Variants in HPSE2 observed in about 807,000 individuals in gnomAD.
The protein encoded by HPSE2 is inactive heparanase-2.
HPSE2 carries 38 observed loss-of-function variants against 60.5 expected under a neutral mutation model. The observed-to-expected ratio is 0.63, with a 90% confidence interval of 0.48 to 0.82. HPSE2 has a LOEUF of 0.82. Among genes scored for constraint, HPSE2 ranks in the 40% least tolerant of loss-of-function variants. HPSE2 has a pLI of 0.00. For missense variants in HPSE2, 713 were observed against 740.4 expected, an observed-to-expected ratio of 0.96 and a Z score of 0.43; for synonymous variants, 295 against 293.2, an observed-to-expected ratio of 1.01 and a Z score of -0.06.
At chr10:99,101,397 A>G (rs999793965) in intron 3 of HPSE2, among the ~76,000 whole-genome samples, 5 of 152,236 alleles carry the variant, frequency 3.3e-5, no homozygotes, top group African/African-American at 9.6e-5. Flanking sequence ...AAAGAAGGAC[A>G]TTACATAATG....
intron 3 of HPSE2, among the ~76,000 whole-genome samples, chr10:98,811,879 C>A (rs1951175695): frequency 6.6e-6 from 1 of 152,226 alleles, no homozygotes; most frequent in South Asian, 2.1e-4. Context: ...AGATCTTACA[C>A]AAATTTTGTT....
Position 98,482,633 on chromosome 10 carries a change from T to C in HPSE2, c.1613+3A>G, listed in dbSNP as rs776258909. 16 of 1,614,038 alleles carry C rather than the reference T, an allele frequency of 9.9e-6. No individual in the cohort carries two copies. The Admixed American group carries it at 1.3e-4, about 13-fold the overall frequency. ...CCCGAGCTATTTTCAGGTTGGCACGTACTTGGACTTTAGGCCCTCCTGCCC... is the reference window on the plus strand; with the variant it reads ...CCCGAGCTATTTTCAGGTTGGCACGCACTTGGACTTTAGGCCCTCCTGCCC... On this transcript the variant is annotated splice_donor_region_variant and intron_variant, in intron 11 of 11. Transcript: ENST00000370552.
At chr10:99,231,484 A>G (rs1481989190) in intron 2 of HPSE2, among the ~76,000 whole-genome samples, 1 of 152,174 alleles carries the variant, frequency 6.6e-6, no homozygotes, top group African/African-American at 2.4e-5. Context: ...CCTCCACTTA[A>G]ACAGGAAGTT....
At chr10:99,176,613 T>C (rs1847535727) in intron 2 of HPSE2, among the ~76,000 whole-genome samples, 2 of 151,762 alleles carry the variant, frequency 1.3e-5, no homozygotes, top group Non-Finnish European at 1.5e-5. Context: ...CCAAGAAATA[T>C]GGGACTATGT....
chr10:98,843,008 T>G (rs185637152), intron 3 of HPSE2, among the ~76,000 whole-genome samples: 1 of 152,300 alleles, frequency 6.6e-6, no homozygotes, highest in East Asian at 1.9e-4. Flanking sequence ...TCCTCCATTC[T>G]TTTCGTGGCT....
intron 3 of HPSE2, among the ~76,000 whole-genome samples, chr10:98,832,962 G>A (rs970883999): frequency 7.9e-5 from 12 of 152,114 alleles, no homozygotes; most frequent in African/African-American, 2.4e-4. Flanking sequence ...ATGGCTAAGC[G>A]AGCAGATGTC....
intron 3 of HPSE2, among the ~76,000 whole-genome samples, chr10:98,967,341 T>A (rs1297436736): frequency 6.6e-6 from 1 of 152,200 alleles, no homozygotes; most frequent in Non-Finnish European, 1.5e-5. Context: ...CATATTTTCT[T>A]CTTCACACTT....
At chr10:99,053,717 G>GTTT (rs1488152948) in intron 3 of HPSE2, among the ~76,000 whole-genome samples, 14 of 98,440 alleles carry the variant, frequency 1.4e-4, no homozygotes, top group Admixed American at 3.9e-4. Context: ...GAGAGTTACA[G>GTTT]TCTTTTTTTT....
chr10:99,109,840 T>C (rs1844390585), intron 3 of HPSE2, among the ~76,000 whole-genome samples: 1 of 152,172 alleles, frequency 6.6e-6, no homozygotes, highest in Admixed American at 6.5e-5. Context: ...ATAAAAGTAG[T>C]AAACAAAAAT....
chr10:98,721,558 AAAAT>A (rs147098746), intron 5 of HPSE2, 95 bp downstream of exon 5: 1,249 of 1,171,604 alleles, frequency 1.1e-3, no homozygotes, highest in Non-Finnish European at 1.2e-3. Flanking sequence ...TCTTAAGACC[AAAAT>A]AAATAAATAA....
intron 2 of HPSE2, among the ~76,000 whole-genome samples, chr10:99,162,640 T>A (rs1177866019): frequency 6.6e-6 from 1 of 152,186 alleles, no homozygotes; most frequent in Non-Finnish European, 1.5e-5. Flanking sequence ...GCCAAAGTAC[T>A]CATTATCTAC....
At chr10:99,197,609 C>T (rs761123353) in intron 2 of HPSE2, among the ~76,000 whole-genome samples, 12 of 152,110 alleles carry the variant, frequency 7.9e-5, no homozygotes, top group African/African-American at 1.9e-4. Context: ...CACATACATG[C>T]GAAGCACTTA....
chr10:98,588,493 A>T (rs1944998746), intron 9 of HPSE2, among the ~76,000 whole-genome samples: 1 of 152,184 alleles, frequency 6.6e-6, no homozygotes, highest in Non-Finnish European at 1.5e-5. Context: ...CAGTGCTTCT[A>T]GTCTGCCACG....
At chr10:98,803,313 C>A (rs1043133301) in intron 3 of HPSE2, among the ~76,000 whole-genome samples, 1 of 150,020 alleles carries the variant, frequency 6.7e-6, no homozygotes, top group Non-Finnish European at 1.5e-5. Context: ...TGTGCAGAAG[C>A]CCTTTAGTTT....
intron 9 of HPSE2, among the ~76,000 whole-genome samples, chr10:98,600,894 T>C (rs1945390886): frequency 2.3e-5 from 1 of 42,662 alleles, no homozygotes; most frequent in Admixed American, 4.0e-4. Context: ...CATATATACG[T>C]ATATATATGT....
intron 4 of HPSE2, among the ~76,000 whole-genome samples, chr10:98,742,974 C>CTTTTCT (rs1554982831): frequency 3.0e-5 from 3 of 99,782 alleles, no homozygotes; most frequent in Non-Finnish European, 6.2e-5. Flanking sequence ...CTTTTCTTTT[C>CTTTTCT]TTTTTTTTTT....
At chr10:99,192,891 G>A (rs1857182) in intron 2 of HPSE2, among the ~76,000 whole-genome samples, 82,475 of 151,832 alleles carry the variant, frequency 0.54, 24,268 homozygotes, top group East Asian at 0.65. Context: ...AATCCTAAAG[G>A]GAGTTTTTCA....
chr10:99,115,400 C>T (rs535164096), intron 3 of HPSE2, among the ~76,000 whole-genome samples: 6 of 152,038 alleles, frequency 3.9e-5, no homozygotes, highest in East Asian at 1.9e-4. Flanking sequence ...GTGATCCGCC[C>T]GCCTTGGCCT....
At chr10:98,978,912 T>C (rs1485711714) in intron 3 of HPSE2, among the ~76,000 whole-genome samples, 1 of 152,108 alleles carries the variant, frequency 6.6e-6, no homozygotes, top group African/African-American at 2.4e-5. Flanking sequence ...AAAATTGGAG[T>C]CGCTGGACAT....
Sources: allele counts gnomAD v4.1 joint callset (sites outside exome capture counted in the v4.1 genomes callset), GRCh38; gene constraint gnomAD v4.1.1; transcripts MANE v1.5; gene names NCBI Gene and HGNC (gene_info 2026-07-23, HGNC 2026-07-21).